FGD6: variants seen among roughly 807,000 people sequenced by gnomAD.
FGD6 encodes FYVE, RhoGEF and PH domain containing 6.
In FGD6, 90 loss-of-function variants were observed where a neutral mutation model predicts 149.4. The observed-to-expected ratio is 0.60, with a 90% confidence interval of 0.51 to 0.72. The LOEUF is 0.72. Ranked by LOEUF, FGD6 falls within the 30% of genes least tolerant of loss-of-function variation. The probability of loss-of-function intolerance (pLI) is 0.00; values close to 1 mark genes in which losing one functional copy is unlikely to be tolerated. For synonymous variants in FGD6, 527 were observed against 584.0 expected, an observed-to-expected ratio of 0.90 and a Z score of 1.41; for missense variants, 1,437 against 1,684.8, an observed-to-expected ratio of 0.85 and a Z score of 2.57.
At chr12:95,164,238 T>C (rs1052517069) in intron 3 of FGD6, among the ~76,000 whole-genome samples, 4 of 151,970 alleles carry the variant, frequency 2.6e-5, no homozygotes, top group African/African-American at 7.3e-5. Flanking sequence ...TTTTTTTTTT[T>C]TTCCTTCCTT....
chr12:95,198,451 T>G (rs1427415720), intron 2 of FGD6, among the ~76,000 whole-genome samples: 1 of 152,108 alleles, frequency 6.6e-6, no homozygotes, highest in East Asian at 1.9e-4. Flanking sequence ...TTTTTTTCTG[T>G]TTTTTGAGAC....
Position 95,210,339 on chromosome 12 carries a change from G to A in FGD6, c.945C>T (p.Pro315=). 2 of 1,613,870 alleles carry A rather than the reference G, an allele frequency of 1.2e-6. No individual in the cohort carries two copies. The highest frequency in any genetic ancestry group is 1.1e-5 in the South Asian group (1 of 90,960). The part of the protein sequence containing the change: ...LVPYTPKFPT[P]KPRKTRTARL... ...GAGCAGTTCGTGTCTTTCTGGGCTTGGGAGTTGGAAATTTTGGGGTATATG... is the reference window on the plus strand; with the variant it reads ...GAGCAGTTCGTGTCTTTCTGGGCTTAGGAGTTGGAAATTTTGGGGTATATG... The change falls in exon 2 of 21, where the codon CCC becomes CCT. Residue 315 remains proline (P), a synonymous_variant. Transcript: ENST00000343958.
Position 95,211,218 on chromosome 12 carries a change from A to G in FGD6, c.66T>C (p.Asn22=). 1 of 1,608,504 alleles carries G rather than the reference A, an allele frequency of 6.2e-7. No individual in the cohort carries two copies. Among genetic ancestry groups the G allele is most frequent in the East Asian group, 2.2e-5 (1 of 44,852 alleles). ...CAATAGGAGGTGGGGCTGGCTTATTATTTGCCACAACAAACTTGGGCTTGG... is the reference window on the plus strand; with the variant it reads ...CAATAGGAGGTGGGGCTGGCTTATTGTTTGCCACAACAAACTTGGGCTTGG... ...VAPKPKFVVA[N]NKPAPPPIAP... Residue 22 remains asparagine (N), a synonymous_variant, in exon 2 of 21, where the codon AAT becomes AAC. Coordinates refer to ENST00000343958, the MANE Select transcript of FGD6 (RefSeq NM_018351.4).
At chr12:95,094,777 A>T in intron 14 of FGD6, 83 bp from the exon 15 acceptor site, 1 of 971,348 alleles carries the variant, frequency 1.0e-6, no homozygotes, top group Non-Finnish European at 1.6e-6. Flanking sequence ...CCATGGCAAC[A>T]GATCCCACCA....
intron 9 of FGD6, among the ~76,000 whole-genome samples, chr12:95,109,009 C>A (rs932145704): frequency 6.6e-6 from 1 of 152,100 alleles, no homozygotes; most frequent in Non-Finnish European, 1.5e-5. Context: ...ATAAAAACTA[C>A]AAGAAATGAC....
chr12:95,084,426 G>C (rs1283183116), intron 20 of FGD6, 72 bp downstream of exon 20: 1 of 1,324,710 alleles, frequency 7.5e-7, no homozygotes, highest in Non-Finnish European at 1.0e-6. Flanking sequence ...CCTTAAAGTA[G>C]GTCATTTTAC....
At chr12:95,182,806 C>T (rs1182065271) in intron 2 of FGD6, among the ~76,000 whole-genome samples, 1 of 152,222 alleles carries the variant, frequency 6.6e-6, no homozygotes, top group African/African-American at 2.4e-5. Flanking sequence ...GGCACAGTGG[C>T]TCACGCCTGT....
chr12:95,213,047 G>GT lies in FGD6; in HGVS notation c.17-1781dup, dbSNP rs11367658. 5.9e-5 allele frequency among the ~76,000 whole-genome samples: 9 copies of GT among 151,848 alleles called. No homozygotes were observed. In the East Asian group the frequency reaches 1.4e-3, roughly 23 times the overall value. On this transcript the variant is annotated intron_variant, in intron 1 of 20. Coordinates refer to ENST00000343958, the MANE Select transcript of FGD6 (RefSeq NM_018351.4). ...AATCATCATAGTTAATTTTGTCTGA[G>GT]TTTTTTTTAGGCAGAAAATAACTGA...
chr12:95,077,229 T>C lies in FGD6; in HGVS notation c.*4291A>G, dbSNP rs1297543796. 6.6e-6 allele frequency: 1 copy of C among 152,248 alleles called. No homozygotes were observed. The highest frequency in any genetic ancestry group is 1.5e-5 in the Non-Finnish European group (1 of 68,074). The allele number at this position is 152,248 out of a possible 1,614,324, so 9.4% of individuals were successfully genotyped here. On this transcript the variant is annotated 3_prime_UTR_variant, in exon 21 of 21. Coordinates refer to ENST00000343958, the MANE Select transcript of FGD6 (RefSeq NM_018351.4). Reference sequence around the variant, plus strand: ...AATTTAATTCAGCAAATACTGAGTGTCCACTGCATGCAAGGTACCCTGCCA... The same window carrying C: ...AATTTAATTCAGCAAATACTGAGTGCCCACTGCATGCAAGGTACCCTGCCA...
chr12:95,106,331 C>T (rs775061794), intron 13 of FGD6, among the ~76,000 whole-genome samples: 10 of 149,572 alleles, frequency 6.7e-5, no homozygotes, highest in African/African-American at 1.7e-4. Context: ...AGTGTAGTCG[C>T]GCGAGCTCAG....
At position 95,141,460 on chromosome 12, in the gene FGD6, A is replaced by G; in HGVS notation, c.2765T>C (p.Leu922Pro). ...VIEDRILNQILYYLPQLYELN... is the reference protein window; with the variant it reads ...VIEDRILNQIPYYLPQLYELN... ...CTCATACAGCTGAGGCAAGTAGTAT[A>G]GGATCTGATTTAGAATCCGGTCCTC... Residue 922 changes from leucine to proline, a missense_variant, in exon 6 of 21, where the codon CTA becomes CCA. Leu to Pro is a moderately conservative substitution (Grantham distance 98). Transcript: ENST00000343958. 2 of 1,614,204 alleles carry G rather than the reference A, an allele frequency of 1.2e-6. No individual in the cohort carries two copies. Among genetic ancestry groups the G allele is most frequent in the Non-Finnish European group, 1.7e-6 (2 of 1,180,042 alleles).
chr12:95,083,644 G>A lies in FGD6; in HGVS notation c.4256+854C>T, dbSNP rs193006620. ...TAGACTGAAAAAAGAGTCTTACAGA[G>A]TGTGTGTAACATTGTGCCTGGCTGG... On this transcript the variant is annotated intron_variant, in intron 20 of 20. Coordinates refer to ENST00000343958, the MANE Select transcript of FGD6 (RefSeq NM_018351.4). Among the ~76,000 whole-genome samples the A allele has an allele frequency of 8.3e-4, 127 of 152,286 alleles. 1 individual carries two copies. The highest frequency in any genetic ancestry group is 3.0e-3 in the African/African-American group (124 of 41,562).
At chr12:95,087,538 C>T (rs143490865) in intron 18 of FGD6, among the ~76,000 whole-genome samples, 1 of 152,270 alleles carries the variant, frequency 6.6e-6, no homozygotes, top group African/African-American at 2.4e-5. Flanking sequence ...CTTGCAAGTA[C>T]AAGGAAATGA....
chr12:95,140,621 AG>A (rs1440983209), intron 6 of FGD6, among the ~76,000 whole-genome samples: 4 of 152,144 alleles, frequency 2.6e-5, no homozygotes, highest in African/African-American at 9.7e-5. Context: ...CCATCTCAAA[AG>A]AAAAAAAAAA....
At chr12:95,125,999 A>G (rs1309005130) in intron 8 of FGD6, 11 of 1,382,506 alleles carry the variant, frequency 8.0e-6, no homozygotes, top group East Asian at 2.3e-5. Context: ...GGCAGAAGGT[A>G]GACATCAATA....
At chr12:95,192,058 T>C (rs894264390) in intron 2 of FGD6, among the ~76,000 whole-genome samples, 5 of 152,232 alleles carry the variant, frequency 3.3e-5, no homozygotes, top group Non-Finnish European at 7.3e-5. Flanking sequence ...ACTGTTAGAC[T>C]AATTATAACC....
intron 2 of FGD6, among the ~76,000 whole-genome samples, chr12:95,176,966 T>C (rs868180664): frequency 1.3e-5 from 2 of 152,142 alleles, no homozygotes; most frequent in African/African-American, 4.8e-5. Flanking sequence ...TAGCTGAGAC[T>C]ATAGGTGTAC....
chr12:95,082,384 G>A (rs1410943595), intron 20 of FGD6, among the ~76,000 whole-genome samples: 2 of 143,588 alleles, frequency 1.4e-5, no homozygotes, highest in Non-Finnish European at 3.1e-5. Context: ...TCGGCTGGGC[G>A]CCGTGGCTCA....
intron 3 of FGD6, among the ~76,000 whole-genome samples, chr12:95,163,962 C>A (rs1434429421): frequency 2.0e-5 from 3 of 152,184 alleles, no homozygotes; most frequent in African/African-American, 7.2e-5. Flanking sequence ...AGTCAAACAG[C>A]GATGGAAAAA....
Sources: gnomAD v4.1 joint callset for allele counts (sites outside exome capture counted in the v4.1 genomes callset) on GRCh38, gnomAD v4.1.1 for gene constraint, MANE v1.5 for transcripts, NCBI Gene and HGNC (gene_info 2026-07-23, HGNC 2026-07-21) for gene names.